FEM1C: variants seen among roughly 807,000 people sequenced by gnomAD.
FEM1C encodes fem-1 homolog C.
FEM1C carries 15 observed loss-of-function variants against 37.6 expected under a neutral mutation model. The observed-to-expected ratio is 0.40, with a 90% CI of 0.27 to 0.61. The LOEUF (loss-of-function observed/expected upper bound fraction) is 0.61, where lower values mean the gene tolerates loss of function less well. Ranked by LOEUF, FEM1C falls within the 20% of genes least tolerant of loss-of-function variation. FEM1C has a pLI of 0.42. For missense variants in FEM1C, 532 were observed against 749.7 expected (o/e 0.71, Z 3.39); for synonymous variants, 287 against 272.8 (o/e 1.05, Z -0.51).
Position 115,543,047 on chromosome 5 carries a change from C to A in FEM1C, c.447G>T (p.Gly149=). ...AACATGAAATCATCAAGCACGTATG[C>A]CCATGTCGGTTTGACACTTCCAAAT... ...KADLEVSNRH[G]HTCLMISCYK... is the part of the protein sequence containing the mutation. Residue 149 remains glycine (G), a synonymous_variant, in exon 2 of 3, where the codon GGG becomes GGT. Coordinates refer to ENST00000274457, the MANE Select transcript of FEM1C (RefSeq NM_020177.3). 1 of 1,614,238 alleles carries A rather than the reference C, an allele frequency of 6.2e-7. No homozygotes were observed. Among genetic ancestry groups the A allele is most frequent in the African/African-American group, 1.3e-5 (1 of 75,054 alleles).
intron 2 of FEM1C, among the ~76,000 whole-genome samples, chr5:115,527,174 C>T (rs989408930): frequency 9.9e-5 from 15 of 152,082 alleles, no homozygotes; most frequent in African/African-American, 2.9e-4. Flanking sequence ...AGTAATAAAT[C>T]TTACCTATGA....
intron 2 of FEM1C, among the ~76,000 whole-genome samples, chr5:115,526,784 G>A (rs1409571023): frequency 6.6e-6 from 1 of 152,086 alleles, no homozygotes; most frequent in Non-Finnish European, 1.5e-5. Flanking sequence ...TGGGAACTTG[G>A]CTGGTAAATA....
chr5:115,528,717 A>C (rs1008544039), intron 2 of FEM1C, among the ~76,000 whole-genome samples: 2 of 152,152 alleles, frequency 1.3e-5, no homozygotes, highest in Non-Finnish European at 2.9e-5. Flanking sequence ...TAATGAAAAG[A>C]AAATGAGGAA....
At chr5:115,542,077 G>A (rs901249633) in intron 2 of FEM1C, among the ~76,000 whole-genome samples, 1 of 151,912 alleles carries the variant, frequency 6.6e-6, no homozygotes, top group African/African-American at 2.4e-5. Flanking sequence ...TTTTGCTGTC[G>A]TATAAATAGA....
At chr5:115,530,179 G>T (rs6894123) in intron 2 of FEM1C, among the ~76,000 whole-genome samples, 3 of 151,636 alleles carry the variant, frequency 2.0e-5, no homozygotes, top group African/African-American at 7.3e-5. Context: ...GGTAGAAAAT[G>T]ATCTTTAGAA....
intron 2 of FEM1C, among the ~76,000 whole-genome samples, chr5:115,527,751 C>A (rs1268050796): frequency 6.6e-6 from 1 of 151,916 alleles, no homozygotes; most frequent in Non-Finnish European, 1.5e-5. Context: ...GCCTGTAATC[C>A]CAGCACTTTG....
At chr5:115,527,802 A>C (rs1231207684) in intron 2 of FEM1C, among the ~76,000 whole-genome samples, 3 of 152,080 alleles carry the variant, frequency 2.0e-5, no homozygotes, top group Admixed American at 1.3e-4. Context: ...AGAGATCAAG[A>C]CCATCTTGGC....
chr5:115,525,592 T>G lies in FEM1C; in HGVS notation c.570A>C (p.Ala190=), dbSNP rs1379563181. The G allele has an allele frequency of 6.2e-7, 1 of 1,613,176 alleles. No homozygotes were observed. ...VKGNTALHDC[A]ESGSLDIMKM... is the part of the protein sequence containing the mutation. Reference sequence around the variant, plus strand: ...TCATGATGTCCAAACTTCCAGATTCTGCACAATCATGCAATGCAGTATTAC... The same window carrying G: ...TCATGATGTCCAAACTTCCAGATTCGGCACAATCATGCAATGCAGTATTAC... Residue 190 remains alanine, a synonymous_variant, in exon 3 of 3, where the codon GCA becomes GCC. Coordinates refer to ENST00000274457, the MANE Select transcript of FEM1C (RefSeq NM_020177.3).
intron 2 of FEM1C, among the ~76,000 whole-genome samples, chr5:115,526,419 T>C (rs1753894962): frequency 6.6e-6 from 1 of 152,128 alleles, no homozygotes; most frequent in Non-Finnish European, 1.5e-5. Context: ...TTTCCTATTA[T>C]AATTTAACTT....
Position 115,524,595 on chromosome 5 carries a change from C to T in FEM1C, c.1567G>A (p.Val523Ile), listed in dbSNP as rs1440575522. 1.1e-5 allele frequency: 17 copies of T among 1,611,114 alleles called. No individual in the cohort carries two copies. The Admixed American group carries it at 1.8e-4, about 17-fold the overall frequency. Residue 523 changes from valine (V) to isoleucine (I), a missense_variant, in exon 3 of 3, where the codon GTC becomes ATC. Transcript: ENST00000274457. ...GGACTGTTGTCATCCGAGTCTCTGA[C>T]GTTCACATCAGCACCACATTCTATC... ...ILIECGADVN[V>I]RDSDDNSPLH...
rs1753842700 is a variant in FEM1C at position 115,524,490 on chromosome 5, T to C, written c.1672A>G (p.Asn558Asp). The part of the protein sequence containing the change: ...IKSGAHFDAT[N>D]LHKQTASDLL... ...TCACTAGCAGTTTGTTTGTGCAAGT[T>C]TGTGGCATCAAAATGTGCACCTGAT... Residue 558 changes from asparagine (N) to aspartate (D), a missense_variant, in exon 3 of 3, where the codon AAC (asparagine) becomes GAC (aspartate). By Grantham distance (23) the Asn-to-Asp change is conservative. Transcript: ENST00000274457. 1 of 1,612,868 alleles carries C rather than the reference T, an allele frequency of 6.2e-7. No homozygotes were observed. The highest frequency in any genetic ancestry group is 8.5e-7 in the Non-Finnish European group (1 of 1,179,434).
In FEM1C at chr5:115,523,182, G is replaced by A. The variant is rs770029446; in HGVS notation, c.*1126C>T. ...CACTGTTACTGACCTTTGATATTAT[G>A]GCAGTAAATTGCATACTAAAATACC... On this transcript the variant is annotated 3_prime_UTR_variant, in exon 3 of 3. Coordinates refer to ENST00000274457, the MANE Select transcript of FEM1C (RefSeq NM_020177.3). The A allele has an allele frequency of 6.6e-6, 1 of 152,366 alleles. No homozygotes were observed. The highest frequency in any genetic ancestry group is 1.5e-5 in the Non-Finnish European group (1 of 67,924). The allele number at this position is 152,366 out of a possible 1,614,324, so 9.4% of individuals were successfully genotyped here.
In FEM1C at chr5:115,524,570, G is replaced by T. The variant is rs1257684320; in HGVS notation, c.1592C>A (p.Pro531His). Residue 531 changes from proline (P) to histidine (H), a missense_variant, in exon 3 of 3, where the codon CCC becomes CAC. Around this residue, in one of 3 missense-constraint regions of FEM1C, gnomAD observed 237 missense variants for 260.5 expected, o/e 0.91. Coordinates refer to ENST00000274457, the MANE Select transcript of FEM1C (RefSeq NM_020177.3). ...GTTGTTAAGAGCAGCGATATGCAGG[G>T]GACTGTTGTCATCCGAGTCTCTGAC... ...VNVRDSDDNSPLHIAALNNHP... is the reference protein window; with the variant it reads ...VNVRDSDDNSHLHIAALNNHP... 6.2e-7 allele frequency: 1 copy of T among 1,612,978 alleles called. No individual in the cohort carries two copies. The highest frequency in any genetic ancestry group is 8.5e-7 in the Non-Finnish European group (1 of 1,179,540).
chr5:115,523,198 C>T lies in FEM1C; in HGVS notation c.*1110G>A, dbSNP rs889600331. 27 of 152,368 alleles carry T rather than the reference C, an allele frequency of 1.8e-4. No individual in the cohort carries two copies. The highest frequency in any genetic ancestry group is 6.5e-4 in the African/African-American group (27 of 41,390). 9.4% of individuals were successfully genotyped at this position (152,368 alleles called of 1,614,324 possible). A position where few individuals can be genotyped will look rare whatever the true frequency, so the allele number is the denominator to read the frequency against. ...TGATATTATGGCAGTAAATTGCATA[C>T]TAAAATACCTTAATTATCCTAGATG... is the stretch of plus-strand genomic sequence containing the variant. On this transcript the variant is annotated 3_prime_UTR_variant, in exon 3 of 3. Transcript: ENST00000274457.
chr5:115,540,993 G>C (rs1326767555), intron 2 of FEM1C, among the ~76,000 whole-genome samples: 1 of 151,992 alleles, frequency 6.6e-6, no homozygotes, highest in East Asian at 1.9e-4. Flanking sequence ...TAATTGTTTG[G>C]AGAAAAAAGA....
rs1447600791 is a variant in FEM1C, at chr5:115,524,544, GGTT to G, written c.1615_1617del (p.Asn539del). Reference sequence around the variant, plus strand: ...ATAAGGAGATTCATGATGTCTGGATGGTTGTTAAGAGCAGCGATATGCAGGGGA... The same window carrying G: ...ATAAGGAGATTCATGATGTCTGGATGGTTAAGAGCAGCGATATGCAGGGGA... On this transcript the variant is annotated inframe_deletion, in exon 3 of 3. Transcript: ENST00000274457. 10 of 1,613,292 alleles carry G rather than the reference GGTT, an allele frequency of 6.2e-6. No homozygotes were observed. The highest frequency in any genetic ancestry group is 8.5e-6 in the Non-Finnish European group (10 of 1,179,670).
chr5:115,524,352 G>A lies in FEM1C; in HGVS notation c.1810C>T (p.His604Tyr). 4 of 1,613,322 alleles carry A rather than the reference G, an allele frequency of 2.5e-6. No individual in the cohort carries two copies. Among genetic ancestry groups the A allele is most frequent in the Non-Finnish European group, 3.4e-6 (4 of 1,179,588 alleles). ...AAAGTCTCTAGCTTTTCTGGGATAT[G>A]CCCTTTATAATATATTCTATGATTC... is the stretch of plus-strand genomic sequence containing the variant. ...IVNHRIYYKG[H>Y]IPEKLETFVS... Residue 604 changes from histidine (H) to tyrosine (Y), a missense_variant, in exon 3 of 3, where the codon CAT becomes TAT. Transcript: ENST00000274457.
chr5:115,524,578 G>A lies in FEM1C; in HGVS notation c.1584C>T (p.Asp528=). ...GADVNVRDSD[D]NSPLHIAALN... is the part of the protein sequence containing the mutation. ...GAGCAGCGATATGCAGGGGACTGTT[G>A]TCATCCGAGTCTCTGACGTTCACAT... The change falls in exon 3 of 3, where the codon GAC becomes GAT. Residue 528 remains aspartate, a synonymous_variant. Transcript: ENST00000274457. 6.2e-7 allele frequency: 1 copy of A among 1,612,852 alleles called. No individual in the cohort carries two copies. Among genetic ancestry groups the A allele is most frequent in the Non-Finnish European group, 8.5e-7 (1 of 1,179,444 alleles).
Position 115,543,010 on chromosome 5 carries a change from T to C in FEM1C, c.484A>G (p.Lys162Glu). ...TCAAGTAAATACTGAGCAATCTCTT[T>C]ATGTCCTTTGTAACATGAAATCATC... ...CLMISCYKGH[K>E]EIAQYLLEKG... The change falls in exon 2 of 3, where the codon AAA becomes GAA. Residue 162 changes from lysine to glutamate, a missense_variant. By Grantham distance (56) the Lys-to-Glu change is moderately conservative. Around this residue, in one of 3 missense-constraint regions of FEM1C, gnomAD observed 221 missense variants for 404.1 expected, o/e 0.55. Transcript: ENST00000274457. The C allele has an allele frequency of 3.1e-6, 5 of 1,614,270 alleles. No homozygotes were observed. Among genetic ancestry groups the C allele is most frequent in the Non-Finnish European group, 4.2e-6 (5 of 1,180,050 alleles).
Sources: gnomAD v4.1 joint callset for allele counts (sites outside exome capture counted in the v4.1 genomes callset) on GRCh38, gnomAD v4.1.1 for gene constraint, gnomAD v4.1.1 regional missense constraint, MANE v1.5 for transcripts, NCBI Gene and HGNC (gene_info 2026-07-23, HGNC 2026-07-21) for gene names.